SLC16A1: variants seen among roughly 807,000 people sequenced by gnomAD.
SLC16A1 encodes the protein monocarboxylate transporter 1.
Under a neutral mutation model 32.2 loss-of-function variants are expected in SLC16A1, and 11 were observed. The observed-to-expected ratio is 0.34, with a 90% CI of 0.21 to 0.56. The LOEUF (loss-of-function observed/expected upper bound fraction) is 0.56, where lower values mean the gene tolerates loss of function less well. Ranked by LOEUF, SLC16A1 falls within the 20% of genes least tolerant of loss-of-function variation. The pLI is 0.87. For missense variants in SLC16A1, 435 were observed against 615.0 expected, an observed-to-expected ratio of 0.71 and a Z score of 3.10; for synonymous variants, 231 against 226.8, an observed-to-expected ratio of 1.02 and a Z score of -0.17.
chr1:112,939,104 G>C (rs1390105269), intron 1 of SLC16A1, among the ~76,000 whole-genome samples: 2 of 151,772 alleles, frequency 1.3e-5, no homozygotes, highest in African/African-American at 4.8e-5. Flanking sequence ...TGTTGGCCAG[G>C]CTGGTCTCGA....
chr1:112,921,333 A>G (rs1648726444), intron 3 of SLC16A1, among the ~76,000 whole-genome samples: 1 of 152,076 alleles, frequency 6.6e-6, no homozygotes, highest in South Asian at 2.1e-4. Context: ...TTTAGCATAC[A>G]TATATTAAAA....
At chr1:112,933,502 C>T (rs1047625571) in intron 1 of SLC16A1, among the ~76,000 whole-genome samples, 2 of 142,742 alleles carry the variant, frequency 1.4e-5, no homozygotes, top group African/African-American at 5.1e-5. Flanking sequence ...AAAATATATG[C>T]AAAATAATAT....
At chr1:112,944,051 A>G (rs1371261970) in intron 1 of SLC16A1, among the ~76,000 whole-genome samples, 1 of 152,242 alleles carries the variant, frequency 6.6e-6, no homozygotes, top group African/African-American at 2.4e-5. Context: ...TCTAATAGGC[A>G]TACTTAAAAT....
At chr1:112,946,394 T>C (rs538034777) in intron 1 of SLC16A1, among the ~76,000 whole-genome samples, 1 of 152,222 alleles carries the variant, frequency 6.6e-6, no homozygotes, top group South Asian at 2.1e-4. Context: ...CATCCAAATA[T>C]TAGCATTAGA....
At chr1:112,953,748 C>T (rs1398122974) in intron 1 of SLC16A1, among the ~76,000 whole-genome samples, 2 of 152,148 alleles carry the variant, frequency 1.3e-5, no homozygotes, top group Non-Finnish European at 2.9e-5. Context: ...TCTTTCCACC[C>T]ATCATCACTG....
chr1:112,953,500 G>A (rs991799365), intron 1 of SLC16A1, among the ~76,000 whole-genome samples: 5 of 152,074 alleles, frequency 3.3e-5, no homozygotes, highest in African/African-American at 1.2e-4. Context: ...AGACAAGAGC[G>A]CTCCTTTAAA....
chr1:112,932,544 T>TGTAATCCCCA (rs1649170268), intron 1 of SLC16A1, among the ~76,000 whole-genome samples: 1 of 151,992 alleles, frequency 6.6e-6, no homozygotes, highest in Non-Finnish European at 1.5e-5. Context: ...GGCTCACACC[T>TGTAATCCCCA]GTAATCCCCA....
chr1:112,948,996 A>T (rs2101652244), intron 1 of SLC16A1, among the ~76,000 whole-genome samples: 1 of 151,708 alleles, frequency 6.6e-6, no homozygotes, highest in South Asian at 2.1e-4. Context: ...ATGCCCGGTT[A>T]ATTTTTTGTA....
chr1:112,927,955 A>G (rs1648997418), intron 2 of SLC16A1, among the ~76,000 whole-genome samples: 1 of 152,176 alleles, frequency 6.6e-6, no homozygotes, highest in Non-Finnish European at 1.5e-5. Context: ...AACCTGATTA[A>G]AATCCTGGCA....
chr1:112,924,150 C>G, intron 2 of SLC16A1: 2 of 1,450,808 alleles, frequency 1.4e-6, no homozygotes, highest in Non-Finnish European at 1.9e-6. Flanking sequence ...CTCGGCTGCC[C>G]TCTGGTGGAT....
At chr1:112,914,268 CT>C in intron 4 of SLC16A1, 103 bp from the exon 5 acceptor site, 1 of 1,245,786 alleles carries the variant, frequency 8.0e-7, no homozygotes, top group Non-Finnish European at 1.2e-6. Flanking sequence ...TCAATCCAAT[CT>C]TTAAAGAGTC....
rs533288945 is a variant in SLC16A1 at position 112,949,944 on chromosome 1, G to A, written c.-45+6091C>T. 4.6e-5 allele frequency among the ~76,000 whole-genome samples: 7 copies of A among 152,292 alleles called. No homozygotes were observed. The South Asian group carries it at 1.4e-3, about 32-fold the overall frequency. On this transcript the variant is annotated intron_variant, in intron 1 of 4. Transcript: ENST00000369626. Reference sequence around the variant, plus strand: ...TTAAAAAATAAAATAAGATCCAGCAGTGGGTCTAATAATCACACTAATTTT... The same window carrying A: ...TTAAAAAATAAAATAAGATCCAGCAATGGGTCTAATAATCACACTAATTTT...
At chr1:112,923,702 C>G in intron 2 of SLC16A1, 2 of 1,537,478 alleles carry the variant, frequency 1.3e-6, no homozygotes, top group Admixed American at 1.7e-5. Flanking sequence ...CAGACCACAG[C>G]ACCCCGGTGG....
chr1:112,951,453 T>G (rs1357417785), intron 1 of SLC16A1, among the ~76,000 whole-genome samples: 1 of 152,186 alleles, frequency 6.6e-6, no homozygotes, highest in African/African-American at 2.4e-5. Flanking sequence ...AGTGACATAT[T>G]AAGTTCAAAA....
intron 1 of SLC16A1, among the ~76,000 whole-genome samples, chr1:112,941,561 G>A (rs554920021): frequency 1.3e-5 from 2 of 152,272 alleles, no homozygotes; most frequent in South Asian, 4.1e-4. Flanking sequence ...GGGATTACAG[G>A]TGTGAGCCAC....
chr1:112,949,386 A>G (rs1055423200), intron 1 of SLC16A1, among the ~76,000 whole-genome samples: 10 of 152,152 alleles, frequency 6.6e-5, no homozygotes, highest in Admixed American at 1.3e-4. Context: ...TGTGACAATC[A>G]TTTTATTCTC....
chr1:112,951,073 TA>T (rs570100524), intron 1 of SLC16A1, among the ~76,000 whole-genome samples: 4 of 151,794 alleles, frequency 2.6e-5, no homozygotes, highest in Admixed American at 1.3e-4. Context: ...ATTCTATCTT[TA>T]AAAAAAAGAT....
At chr1:112,944,817 C>T (rs576124590) in intron 1 of SLC16A1, among the ~76,000 whole-genome samples, 12 of 152,012 alleles carry the variant, frequency 7.9e-5, no homozygotes, top group Admixed American at 1.3e-4. Flanking sequence ...CTAAGCCCCA[C>T]GAGTAGCTGG....
chr1:112,917,250 T>A lies in SLC16A1; in HGVS notation c.1156A>T (p.Arg386Trp), dbSNP rs1648545745. 1 of 1,614,092 alleles carries A rather than the reference T, an allele frequency of 6.2e-7. No homozygotes were observed. Among genetic ancestry groups the A allele is most frequent in the Non-Finnish European group, 8.5e-7 (1 of 1,180,028 alleles). Residue 386 changes from arginine to tryptophan, a missense_variant, in exon 4 of 5, where the codon AGG becomes TGG. Coordinates refer to ENST00000369626, the MANE Select transcript of SLC16A1 (RefSeq NM_003051.4). This position sits in a 1 kb window ranked among gnomAD's most constrained non-coding sequence, Gnocchi z 4.1. ...ACCAATCCCACAGCGCTGGAGAACC[T>A]CTGGGGTCCAACAAGGTCCATCAAT... ...ETLMDLVGPQ[R>W]FSSAVGLVTI...
Sources: gnomAD v4.1 joint callset for allele counts (sites outside exome capture counted in the v4.1 genomes callset) on GRCh38, gnomAD v4.1.1 for gene constraint, Gnocchi (gnomAD v3.1) non-coding constraint, MANE v1.5 for transcripts, NCBI Gene and HGNC (gene_info 2026-07-23, HGNC 2026-07-21) for gene names.